MYRIP: variants seen among roughly 807,000 people sequenced by gnomAD.
MYRIP encodes the protein rab effector MyRIP.
MYRIP carries 49 observed loss-of-function variants against 98.0 expected under a neutral mutation model. The observed-to-expected ratio is 0.50, with a 90% CI of 0.40 to 0.63. The LOEUF (loss-of-function observed/expected upper bound fraction) is 0.63, where lower values mean the gene tolerates loss of function less well. Ranked by LOEUF, MYRIP falls within the 30% of genes least tolerant of loss-of-function variation. MYRIP has a pLI of 0.00. For missense variants in MYRIP, 1,004 were observed against 1,058.2 expected (o/e 0.95, Z 0.71); for synonymous variants, 404 against 409.5 (o/e 0.99, Z 0.16).
intron 1 of MYRIP, among the ~76,000 whole-genome samples, chr3:39,860,490 G>A (rs1198741365): frequency 6.6e-6 from 1 of 152,194 alleles, no homozygotes; most frequent in Non-Finnish European, 1.5e-5. Context: ...GGGTGATCTT[G>A]TTCATGAGAT....
intron 2 of MYRIP, among the ~76,000 whole-genome samples, chr3:39,942,309 A>G (rs1352306367): frequency 1.1e-4 from 17 of 152,128 alleles, no homozygotes; most frequent in Non-Finnish European, 1.5e-5. Flanking sequence ...AAGAAGCAGT[A>G]AACTCTTGGG....
At chr3:40,162,258 G>A (rs1421073833) in intron 4 of MYRIP, among the ~76,000 whole-genome samples, 1 of 152,112 alleles carries the variant, frequency 6.6e-6, no homozygotes, top group African/African-American at 2.4e-5. Context: ...ATGCTTGTCA[G>A]GGTGGGGTGG....
At chr3:39,911,714 G>T (rs566107780) in intron 2 of MYRIP, among the ~76,000 whole-genome samples, 1 of 152,198 alleles carries the variant, frequency 6.6e-6, no homozygotes, top group Non-Finnish European at 1.5e-5. Context: ...GCCTGAAAAC[G>T]CAGAGGAGGT....
chr3:40,134,099 G>A lies in MYRIP; in HGVS notation c.333-16949G>A, dbSNP rs1338168225. On this transcript the variant is annotated intron_variant, in intron 3 of 16. Transcript: ENST00000302541. ...AGCAGGGCGAGGCATTGCCACACCC[G>A]GGAAGCGCAAGAAATCAGGGAATTC... 5.3e-5 allele frequency among the ~76,000 whole-genome samples: 8 copies of A among 152,218 alleles called. No homozygotes were observed. The South Asian group carries it at 6.2e-4, about 12-fold the overall frequency.
chr3:40,229,429 C>T (rs1014897852), intron 11 of MYRIP, among the ~76,000 whole-genome samples: 5 of 152,194 alleles, frequency 3.3e-5, no homozygotes, highest in African/African-American at 1.2e-4. Context: ...ACTGGGACCA[C>T]TGAAATGGCC....
intron 4 of MYRIP, among the ~76,000 whole-genome samples, chr3:40,161,157 A>T (rs74616901): frequency 0.024 from 3,629 of 152,322 alleles, 52 homozygotes; most frequent in Non-Finnish European, 0.038. Context: ...ACTCATGAAA[A>T]ATAGTGGCTT....
chr3:40,254,265 G>T (rs1370807039), intron 16 of MYRIP, among the ~76,000 whole-genome samples: 1 of 152,156 alleles, frequency 6.6e-6, no homozygotes, highest in Non-Finnish European at 1.5e-5. Context: ...AAAGGGAAAG[G>T]GCAGGCTATT....
intron 3 of MYRIP, among the ~76,000 whole-genome samples, chr3:40,126,981 A>G (rs1949537578): frequency 6.6e-6 from 1 of 152,212 alleles, no homozygotes; most frequent in South Asian, 2.1e-4. Flanking sequence ...AACTACCTGC[A>G]CAGCTTTGCC....
chr3:39,885,493 C>A lies in MYRIP; in HGVS notation c.-30-15294C>A, dbSNP rs578149882. 3.3e-4 allele frequency among the ~76,000 whole-genome samples: 50 copies of A among 152,058 alleles called. No individual in the cohort carries two copies. In the East Asian group the frequency reaches 7.9e-3, roughly 24 times the overall value. The stretch of plus-strand genomic sequence containing the variant: ...ATGTGTCTTGGAGTTGCTCTTCTCG[C>A]GGAGTATCTTTCTGGCGTTCTCTGT... On this transcript the variant is annotated intron_variant, in intron 1 of 16. Coordinates refer to ENST00000302541, the MANE Select transcript of MYRIP (RefSeq NM_015460.4).
intron 3 of MYRIP, among the ~76,000 whole-genome samples, chr3:40,050,565 A>T (rs1433303755): frequency 3.3e-5 from 5 of 152,158 alleles, no homozygotes; most frequent in Admixed American, 3.3e-4. Flanking sequence ...CGTTGTTTTC[A>T]TGCCTGCTAA....
intron 3 of MYRIP, among the ~76,000 whole-genome samples, chr3:40,044,717 G>A (rs9873761): frequency 0.27 from 40,563 of 152,092 alleles, 5,571 homozygotes; most frequent in East Asian, 0.36. Context: ...CATATGTGGA[G>A]ATACATGCCC....
At chr3:39,826,475 CTTATTA>C (rs1247569928) in intron 1 of MYRIP, among the ~76,000 whole-genome samples, 2 of 151,978 alleles carry the variant, frequency 1.3e-5, no homozygotes, top group Non-Finnish European at 2.9e-5. Context: ...TTTGAATATT[CTTATTA>C]TTAATTTCCA....
At chr3:39,850,933 GA>G (rs1204012670) in intron 1 of MYRIP, among the ~76,000 whole-genome samples, 1 of 152,050 alleles carries the variant, frequency 6.6e-6, no homozygotes, top group Non-Finnish European at 1.5e-5. Context: ...CTGTGCAGGG[GA>G]TCCATATTAA....
chr3:39,890,011 C>T (rs768837704), intron 1 of MYRIP, among the ~76,000 whole-genome samples: 48 of 151,878 alleles, frequency 3.2e-4, no homozygotes, highest in African/African-American at 1.1e-3. Context: ...ATCAGTTTTC[C>T]TTGAGACTCA....
chr3:40,229,223 A>G (rs1952574218), intron 11 of MYRIP, among the ~76,000 whole-genome samples: 1 of 152,234 alleles, frequency 6.6e-6, no homozygotes, highest in African/African-American at 2.4e-5. Flanking sequence ...AAGAGTACAT[A>G]GAGTAGAAAT....
intron 1 of MYRIP, among the ~76,000 whole-genome samples, chr3:39,855,350 G>T (rs1312957465): frequency 1.3e-5 from 2 of 152,142 alleles, no homozygotes; most frequent in Non-Finnish European, 2.9e-5. Flanking sequence ...GATGGCCAGG[G>T]TAATTATATT....
intron 2 of MYRIP, among the ~76,000 whole-genome samples, chr3:39,976,524 A>T (rs1945755635): frequency 6.6e-6 from 1 of 152,198 alleles, no homozygotes; most frequent in African/African-American, 2.4e-5. Flanking sequence ...ATACCATTTG[A>T]CCCAGCCATC....
At chr3:40,168,397 C>T (rs973978247) in intron 7 of MYRIP, among the ~76,000 whole-genome samples, 2 of 152,222 alleles carry the variant, frequency 1.3e-5, no homozygotes, top group Non-Finnish European at 2.9e-5. Context: ...TCAGAACTTG[C>T]ATTAGCCTAT....
Position 40,259,149 on chromosome 3 carries a change from T to C in MYRIP, c.*983T>C, listed in dbSNP as rs1953693036. 6.6e-6 allele frequency: 1 copy of C among 152,196 alleles called. No homozygotes were observed. Among genetic ancestry groups the C allele is most frequent in the Non-Finnish European group, 1.5e-5 (1 of 68,032 alleles). 9.4% of individuals were successfully genotyped at this position (152,196 alleles called of 1,614,324 possible). A position where few individuals can be genotyped will look rare whatever the true frequency, so the allele number is the denominator to read the frequency against. ...GATAAAAATGATTAGGGAATAGCCT[T>C]AGAAAATTTATAGGTATAAAAAATT... On this transcript the variant is annotated 3_prime_UTR_variant, in exon 17 of 17. Coordinates refer to ENST00000302541, the MANE Select transcript of MYRIP (RefSeq NM_015460.4).
Sources: allele counts gnomAD v4.1 joint callset (sites outside exome capture counted in the v4.1 genomes callset), GRCh38; gene constraint gnomAD v4.1.1; transcripts MANE v1.5; gene names NCBI Gene and HGNC (gene_info 2026-07-23, HGNC 2026-07-21).